The following SRP19 variants were observed in gnomAD, a reference collection of about 807,000 sequenced individuals.
SRP19 encodes signal recognition particle 19 kDa protein.
In SRP19, 11 loss-of-function variants were observed where a neutral mutation model predicts 22.4. The ratio of observed to expected loss-of-function variants is 0.49; its 90% confidence interval spans 0.31 to 0.81. SRP19 has a LOEUF of 0.81. SRP19 is among the 40% of genes least tolerant of loss of function. The pLI, the probability that SRP19 is intolerant of heterozygous loss-of-function variation, is 0.05. For missense variants in SRP19, 168 were observed against 175.9 expected (o/e 0.96, Z 0.25); for synonymous variants, 61 against 57.6 (o/e 1.06, Z -0.27).
At chr5:112,878,383 A>G (rs1332543821) in intron 4 of SRP19, 1 of 172,974 alleles carries the variant, frequency 5.8e-6, no homozygotes, top group Non-Finnish European at 1.2e-5. Context: ...GAATTATATA[A>G]AATTGTACAT....
chr5:112,893,094 TAAAAAAAAAAAA>T (rs552226372), downstream of SRP19: 6,238 of 501,504 alleles, frequency 0.012, 122 homozygotes, highest in Middle Eastern at 0.018. Flanking sequence ...GTTTTGTTCT[TAAAAAAAAAAAA>T]AAAAAAAAAA....
chr5:112,871,130 T>C (rs1226078905), downstream of SRP19, among the ~76,000 whole-genome samples: 1 of 152,084 alleles, frequency 6.6e-6, no homozygotes, highest in African/African-American at 2.4e-5. Flanking sequence ...TTTTTTAAGA[T>C]ACCCAGTCTG....
exon 5 of SRP19, chr5:112,892,983 C>T (rs1486964004): frequency 6.3e-7 from 1 of 1,585,712 alleles, no homozygotes; most frequent in South Asian, 1.1e-5. Flanking sequence ...GCAGGAGCCA[C>T]CGCAGCCGGA....
At chr5:112,871,294 A>G (rs539580083), downstream of SRP19, among the ~76,000 whole-genome samples, 13 of 108,036 alleles carry the variant, frequency 1.2e-4, no homozygotes, top group East Asian at 2.5e-3. Flanking sequence ...TGAAAACTGT[A>G]ATCTTTTTAA....
At chr5:112,885,795 G>C (rs931197148) in intron 4 of SRP19, 1 of 235,576 alleles carries the variant, frequency 4.2e-6, no homozygotes, top group African/African-American at 2.4e-5. Flanking sequence ...GAGACAGAGA[G>C]CCAAGCTAAT....
downstream of SRP19, chr5:112,895,707 A>C (rs1168233068): frequency 6.6e-6 from 1 of 152,214 alleles, no homozygotes; most frequent in Non-Finnish European, 1.5e-5. Context: ...TCAACTCCCA[A>C]GGTGATATTC....
chr5:112,889,011 G>A (rs911037808), intron 4 of SRP19, among the ~76,000 whole-genome samples: 10 of 150,780 alleles, frequency 6.6e-5, no homozygotes, highest in Non-Finnish European at 1.3e-4. Context: ...TTCCCCTTTC[G>A]CTTGGGCTCT....
intron 4 of SRP19, chr5:112,887,089 T>C (rs1768274702): frequency 6.2e-7 from 1 of 1,613,800 alleles, no homozygotes. Context: ...CATCTGGGAC[T>C]CGTGCTTCAG....
intron 4 of SRP19, among the ~76,000 whole-genome samples, chr5:112,882,811 T>C (rs970273153): frequency 4.1e-4 from 62 of 152,242 alleles, no homozygotes; most frequent in African/African-American, 1.4e-3. Flanking sequence ...AACTATTTCA[T>C]ACCTTCTCTT....
At chr5:112,879,092 T>C (rs759603775) in intron 4 of SRP19, among the ~76,000 whole-genome samples, 1 of 152,124 alleles carries the variant, frequency 6.6e-6, no homozygotes, top group African/African-American at 2.4e-5. Flanking sequence ...GTTGTGACAG[T>C]GTCACCGAAA....
chr5:112,872,301 T>C (rs904372435), downstream of SRP19, among the ~76,000 whole-genome samples: 3 of 151,406 alleles, frequency 2.0e-5, no homozygotes, highest in Non-Finnish European at 4.4e-5. Context: ...CAGATGTGTT[T>C]AATGAGATCC....
At chr5:112,895,601 C>G (rs1164405084), downstream of SRP19, 1 of 152,138 alleles carries the variant, frequency 6.6e-6, no homozygotes, top group Admixed American at 6.6e-5. Flanking sequence ...TGTCTTGAGA[C>G]AGTAAAATAA....
At position 112,867,580 on chromosome 5, in the gene SRP19, T is replaced by G. The variant is rs754751095; in HGVS notation, c.*43T>G. 63 of 1,523,674 alleles carry G rather than the reference T, an allele frequency of 4.1e-5. No individual in the cohort carries two copies. The highest frequency in any genetic ancestry group is 5.3e-5 in the Non-Finnish European group (60 of 1,134,618). The allele number at this position is 1,523,674 out of a possible 1,614,324, so 94.4% of individuals were successfully genotyped here. A position where few individuals can be genotyped will look rare whatever the true frequency, so the allele number is the denominator to read the frequency against. On this transcript the variant is annotated 3_prime_UTR_variant, in exon 5 of 5. Transcript: ENST00000505459. ...GTATGTGGTACTACTGTAAGAGACA[T>G]GAATGGAGACTTCTAATTTGTATCG...
chr5:112,864,868 T>G, intron 4 of SRP19, 136 bp downstream of exon 4: 1 of 578,036 alleles, frequency 1.7e-6, no homozygotes. Context: ...CTACTGCTCA[T>G]GGAGAGAAGC....
rs1376480590 is a variant in SRP19, at chr5:112,864,505, G to T, written c.166G>T (p.Val56Phe). ...ATEIQDVCSA[V>F]GLNVFLEKNK... ...AGAGATTCAAGATGTATGTTCAGCAGTTGGACTTAACGTATTTCTTGAGGT... is the reference window on the plus strand; with the variant it reads ...AGAGATTCAAGATGTATGTTCAGCATTTGGACTTAACGTATTTCTTGAGGT... Residue 56 changes from valine (V) to phenylalanine (F), a missense_variant, in exon 3 of 5, where the codon GTT becomes TTT. Coordinates refer to ENST00000505459, the MANE Select transcript of SRP19 (RefSeq NM_003135.3). The T allele has an allele frequency of 2.2e-5, 36 of 1,614,058 alleles. No homozygotes were observed. Among genetic ancestry groups the T allele is most frequent in the Non-Finnish European group, 2.9e-5 (34 of 1,180,002 alleles).
At chr5:112,875,817 C>A (rs537728931) in intron 4 of SRP19, among the ~76,000 whole-genome samples, 1 of 151,570 alleles carries the variant, frequency 6.6e-6, no homozygotes, top group Non-Finnish European at 1.5e-5. Flanking sequence ...GAGGCCGAGG[C>A]GGGTGGATCA....
At chr5:112,870,065 A>G (rs536252711), downstream of SRP19, among the ~76,000 whole-genome samples, 45 of 152,328 alleles carry the variant, frequency 3.0e-4, no homozygotes, top group African/African-American at 9.4e-4. Flanking sequence ...CTCTCAAAAT[A>G]TTGTGCTATA....
intron 4 of SRP19, chr5:112,878,838 G>T (rs748539385): frequency 1.2e-6 from 2 of 1,613,822 alleles, no homozygotes; most frequent in African/African-American, 2.7e-5. Flanking sequence ...TTTCTTCGCT[G>T]TTTGTTTGTT....
intron 4 of SRP19, chr5:112,887,274 G>A (rs1768285098): frequency 2.5e-6 from 3 of 1,202,902 alleles, no homozygotes; most frequent in Middle Eastern, 3.2e-4. Context: ...CTGGGGATGG[G>A]AGATGCCTCT....
Sources: gnomAD v4.1 joint callset for allele counts (sites outside exome capture counted in the v4.1 genomes callset) on GRCh38, gnomAD v4.1.1 for gene constraint, MANE v1.5 for transcripts, NCBI Gene and HGNC (gene_info 2026-07-23, HGNC 2026-07-21) for gene names.